The following CHST8 variants were observed in gnomAD, a reference collection of about 807,000 sequenced individuals.
CHST8 encodes carbohydrate sulfotransferase 8, also known as GALNAC-4-ST1.
Under a neutral mutation model 15.0 loss-of-function variants are expected in CHST8, and 10 were observed. The observed-to-expected ratio is 0.67, with a 90% CI of 0.41 to 1.13. The LOEUF (loss-of-function observed/expected upper bound fraction) is 1.13, where lower values mean the gene tolerates loss of function less well. CHST8 is among the 50% of genes most tolerant of loss of function. The probability of loss-of-function intolerance (pLI) is 0.00; values close to 1 mark genes in which losing one functional copy is unlikely to be tolerated. For missense variants in CHST8, 634 were observed against 608.2 expected (o/e 1.04, Z -0.45); for synonymous variants, 259 against 256.6 (o/e 1.01, Z -0.09).
chr19:33,772,149 G>T lies in CHST8; in HGVS notation c.361G>T (p.Ala121Ser), dbSNP rs770550154. The change falls in exon 5 of 5, where the codon GCT becomes TCT. Residue 121 changes from alanine (A) to serine (S), a missense_variant. Ala to Ser is a moderately conservative substitution (Grantham distance 99). Transcript: ENST00000650847. Reference sequence around the variant, plus strand: ...CCGTCTGCTCATCAAGAAAATGCCAGCTGCGGCGACCATCCCGGCCAACAG... The same window carrying T: ...CCGTCTGCTCATCAAGAAAATGCCATCTGCGGCGACCATCCCGGCCAACAG... Reference protein sequence around the residue: ...RRRLLIKKMPAAATIPANSSD... With the variant: ...RRRLLIKKMPSAATIPANSSD... The T allele has an allele frequency of 6.2e-7, 1 of 1,605,312 alleles. No individual in the cohort carries two copies. The highest frequency in any genetic ancestry group is 1.7e-5 in the Admixed American group (1 of 59,050).
At chr19:33,660,005 G>T (rs1375700427) in intron 1 of CHST8, among the ~76,000 whole-genome samples, 1 of 152,160 alleles carries the variant, frequency 6.6e-6, no homozygotes, top group Non-Finnish European at 1.5e-5. Flanking sequence ...TCACAACTGG[G>T]CCCTGGGCTC....
intron 1 of CHST8, among the ~76,000 whole-genome samples, chr19:33,623,125 C>T (rs1972007296): frequency 6.6e-6 from 1 of 152,150 alleles, no homozygotes. Context: ...CCGATTCCTT[C>T]TCCAGTGCGG....
At position 33,687,753 on chromosome 19, in the gene CHST8, G is replaced by A. The variant is rs1266259351; in HGVS notation, c.-86-1423G>A. On this transcript the variant is annotated intron_variant, in intron 2 of 4. Transcript: ENST00000650847. ...TGGTCGTGGGGAGTCGTGGGCAGGG[G>A]AGCAGGGAGAGTGCCTCTTCCCATC... Among the ~76,000 whole-genome samples the A allele has an allele frequency of 2.6e-5, 4 of 152,336 alleles. No individual in the cohort carries two copies. The East Asian group carries it at 7.7e-4, about 29-fold the overall frequency.
intron 1 of CHST8, among the ~76,000 whole-genome samples, chr19:33,664,751 C>A (rs912700981): frequency 6.6e-6 from 1 of 151,986 alleles, no homozygotes; most frequent in Non-Finnish European, 1.5e-5. Context: ...CTTTATCTTG[C>A]CCCATCCCCT....
intron 3 of CHST8, among the ~76,000 whole-genome samples, chr19:33,705,107 C>T (rs1004450236): frequency 1.3e-5 from 2 of 152,084 alleles, no homozygotes; most frequent in Non-Finnish European, 2.9e-5. Flanking sequence ...AGACCTGCCC[C>T]CTAGGCCCTA....
intron 3 of CHST8, among the ~76,000 whole-genome samples, chr19:33,768,088 T>C (rs1347320342): frequency 6.6e-6 from 1 of 152,292 alleles, no homozygotes. Flanking sequence ...CACTTGGGGA[T>C]GTGCAGACCC....
intron 3 of CHST8, among the ~76,000 whole-genome samples, chr19:33,704,396 G>A (rs1276260533): frequency 1.4e-5 from 2 of 148,026 alleles, no homozygotes; most frequent in South Asian, 2.1e-4. Flanking sequence ...CATGGGAACT[G>A]TGCAGGGTCA....
At chr19:33,721,291 C>T (rs1478087301) in intron 3 of CHST8, among the ~76,000 whole-genome samples, 1 of 152,184 alleles carries the variant, frequency 6.6e-6, no homozygotes, top group Non-Finnish European at 1.5e-5. Flanking sequence ...CTCCAGTCCC[C>T]AGTCCTTCTC....
intron 3 of CHST8, among the ~76,000 whole-genome samples, chr19:33,763,875 G>A (rs1393127082): frequency 6.6e-6 from 1 of 152,052 alleles, no homozygotes; most frequent in East Asian, 1.9e-4. Context: ...GCCGGTGGGA[G>A]AGGAGCCAGA....
chr19:33,731,909 A>C (rs1974001613), intron 3 of CHST8, among the ~76,000 whole-genome samples: 1 of 152,146 alleles, frequency 6.6e-6, no homozygotes, highest in Non-Finnish European at 1.5e-5. Flanking sequence ...CAAGAAGCTC[A>C]TGGACTCAGG....
intron 3 of CHST8, among the ~76,000 whole-genome samples, chr19:33,719,583 C>G (rs957608286): frequency 4.6e-5 from 7 of 151,904 alleles, no homozygotes; most frequent in African/African-American, 1.5e-4. Context: ...CGGGGGGACA[C>G]CTAGGGAGAC....
chr19:33,683,882 G>A (rs1168144819), intron 2 of CHST8, among the ~76,000 whole-genome samples: 1 of 152,226 alleles, frequency 6.6e-6, no homozygotes, highest in Non-Finnish European at 1.5e-5. Context: ...GGGGCACTGA[G>A]TCAGCATTCT....
intron 1 of CHST8, among the ~76,000 whole-genome samples, chr19:33,625,441 T>C (rs1972039403): frequency 6.6e-6 from 1 of 152,166 alleles, no homozygotes; most frequent in South Asian, 2.1e-4. Context: ...GTGGAATGAG[T>C]GGCCAGCCTT....
At chr19:33,703,879 A>T (rs1177733985) in intron 3 of CHST8, among the ~76,000 whole-genome samples, 1 of 152,228 alleles carries the variant, frequency 6.6e-6, no homozygotes, top group Non-Finnish European at 1.5e-5. Context: ...TATGTGGGGA[A>T]AATAGCTGAG....
chr19:33,702,475 C>T (rs990087888), intron 3 of CHST8, among the ~76,000 whole-genome samples: 1 of 152,228 alleles, frequency 6.6e-6, no homozygotes, highest in Non-Finnish European at 1.5e-5. Flanking sequence ...CTCCCCAAAC[C>T]GAAGCCCCAA....
chr19:33,679,612 G>C (rs1172093927), intron 2 of CHST8, among the ~76,000 whole-genome samples: 1 of 152,240 alleles, frequency 6.6e-6, no homozygotes, highest in Non-Finnish European at 1.5e-5. Context: ...TCGTGTCTCA[G>C]TAACTGAAGG....
At chr19:33,679,908 A>G (rs1972862585) in intron 2 of CHST8, among the ~76,000 whole-genome samples, 1 of 152,136 alleles carries the variant, frequency 6.6e-6, no homozygotes, top group Non-Finnish European at 1.5e-5. Flanking sequence ...ATCTGAGATC[A>G]CGCCCTTCTC....
chr19:33,622,886 GGT>G (rs1194470609), intron 1 of CHST8, among the ~76,000 whole-genome samples: 1 of 152,156 alleles, frequency 6.6e-6, no homozygotes, highest in African/African-American at 2.4e-5. Flanking sequence ...ATGGTGTGAA[GGT>G]GTGTGCGTGC....
rs955429688 is a variant in CHST8 at position 33,627,143 on chromosome 19, G to A, written c.-164+4847G>A. ...TGACGGAGTCTCGCTCTGTTACCCAGCCTGGAGTGTACAGTGGTGTGATCT... is the reference window on the plus strand; with the variant it reads ...TGACGGAGTCTCGCTCTGTTACCCAACCTGGAGTGTACAGTGGTGTGATCT... On this transcript the variant is annotated intron_variant, in intron 1 of 4. Transcript: ENST00000650847. 3.3e-5 allele frequency among the ~76,000 whole-genome samples: 5 copies of A among 149,530 alleles called. No homozygotes were observed. In the Admixed American group the frequency reaches 3.4e-4, roughly 10 times the overall value.
Sources: gnomAD v4.1 joint callset for allele counts (sites outside exome capture counted in the v4.1 genomes callset) on GRCh38, gnomAD v4.1.1 for gene constraint, MANE v1.5 for transcripts, NCBI Gene and HGNC (gene_info 2026-07-23, HGNC 2026-07-21) for gene names.